The following ZNF564 variants were observed in gnomAD, a reference collection of about 807,000 sequenced individuals.
ZNF564 encodes the protein zinc finger protein 564.
Under a neutral mutation model 10.5 loss-of-function variants are expected in ZNF564, and 5 were observed. That is an observed-to-expected ratio of 0.48 (90% CI 0.25 to 1.00). The LOEUF (loss-of-function observed/expected upper bound fraction) is 1.00. Among genes scored for constraint, ZNF564 ranks in the 50% least tolerant of loss-of-function variants. The pLI is 0.16. For synonymous variants in ZNF564, 242 were observed against 218.1 expected (o/e 1.11, Z -0.97); for missense variants, 603 against 669.7 (o/e 0.90, Z 1.10).
intron 1 of ZNF564, among the ~76,000 whole-genome samples, chr19:12,544,181 G>C (rs1288945162): frequency 6.6e-6 from 1 of 152,108 alleles, no homozygotes; most frequent in African/African-American, 2.4e-5. Flanking sequence ...GAAATAATTA[G>C]GACACTATGG....
intron 1 of ZNF564, among the ~76,000 whole-genome samples, chr19:12,535,448 C>T (rs541432814): frequency 1.3e-5 from 2 of 152,180 alleles, no homozygotes; most frequent in East Asian, 3.9e-4. Flanking sequence ...GTATTACCAA[C>T]TATAAGATAT....
At chr19:12,535,198 C>A (rs1315303756) in intron 1 of ZNF564, among the ~76,000 whole-genome samples, 2 of 151,720 alleles carry the variant, frequency 1.3e-5, no homozygotes, top group East Asian at 1.9e-4. Flanking sequence ...AACGGTGAAA[C>A]CTCATCTCTA....
At position 12,540,354 on chromosome 19, in the gene ZNF564, G is replaced by A. The variant is rs373980665; in HGVS notation, c.3+10976C>T. Among the ~76,000 whole-genome samples the A allele has an allele frequency of 3.2e-4, 48 of 152,268 alleles. 2 individuals carry two copies. The South Asian group carries it at 4.4e-3, about 14-fold the overall frequency. The stretch of plus-strand genomic sequence containing the variant: ...AATATGTTTAGTAAGTTTCCACAAT[G>A]AAAACTCAATACACAAATAAGTCTC... On this transcript the variant is annotated intron_variant, in intron 1 of 3. Coordinates refer to ENST00000339282, the MANE Select transcript of ZNF564 (RefSeq NM_144976.4).
chr19:12,528,375 G>C lies in ZNF564; in HGVS notation c.131-11C>G. 1.9e-6 allele frequency: 3 copies of C among 1,600,472 alleles called. No individual in the cohort carries two copies. The highest frequency in any genetic ancestry group is 2.5e-6 in the Non-Finnish European group (3 of 1,176,568). ...CTTCCCATTTTTTTCCTAAAATATA[G>C]TCAGAAAAAATCCTTATGAACTGAT... On this transcript the variant is annotated splice_polypyrimidine_tract_variant and intron_variant, in intron 2 of 3. Coordinates refer to ENST00000339282, the MANE Select transcript of ZNF564 (RefSeq NM_144976.4).
At position 12,527,300 on chromosome 19, in the gene ZNF564, T is replaced by G. The variant is rs748119290; in HGVS notation, c.808A>C (p.Ile270Leu). 6.2e-7 allele frequency: 1 copy of G among 1,614,002 alleles called. No individual in the cohort carries two copies. The highest frequency in any genetic ancestry group is 8.5e-7 in the Non-Finnish European group (1 of 1,180,004). The change falls in exon 4 of 4, where the codon ATA becomes CTA. Residue 270 changes from isoleucine to leucine, a missense_variant. Coordinates refer to ENST00000339282, the MANE Select transcript of ZNF564 (RefSeq NM_144976.4). ...KAFDRPSLFRIHERTHTGEKP... is the reference protein window; with the variant it reads ...KAFDRPSLFRLHERTHTGEKP... ...TCTCCAGTATGAGTTCTTTCATGTA[T>G]TCGAAATAAACTGGGGCGGTCAAAG...
At chr19:12,533,727 C>CAAAAAAAAAA (rs59631972) in intron 1 of ZNF564, among the ~76,000 whole-genome samples, 22 of 29,168 alleles carry the variant, frequency 7.5e-4, no homozygotes, top group East Asian at 9.0e-4. Flanking sequence ...CTGCTGTCTC[C>CAAAAAAAAAA]AAAAAAAAAA....
chr19:12,529,396 G>T (rs1336286907), intron 1 of ZNF564, among the ~76,000 whole-genome samples: 1 of 151,734 alleles, frequency 6.6e-6, no homozygotes, highest in South Asian at 2.1e-4. Context: ...ACAAGGTCAG[G>T]AGTTTGAGAC....
chr19:12,532,534 CAAAAAAAAAAAAAA>C (rs35579003), intron 1 of ZNF564, among the ~76,000 whole-genome samples: 2 of 39,238 alleles, frequency 5.1e-5, no homozygotes, highest in African/African-American at 1.0e-4. Flanking sequence ...GACTCCGTCT[CAAAAAAAAAAAAAA>C]AAAAAAAAAA....
chr19:12,526,289 T>C lies in ZNF564; in HGVS notation c.*157A>G, dbSNP rs897679738. 4.3e-5 allele frequency: 33 copies of C among 773,016 alleles called. No individual in the cohort carries two copies. In the African/African-American group the frequency reaches 5.4e-4, roughly 13 times the overall value. 47.9% of individuals were successfully genotyped at this position (773,016 alleles called of 1,614,324 possible). A position where few individuals can be genotyped will look rare whatever the true frequency, so the allele number is the denominator to read the frequency against. On this transcript the variant is annotated 3_prime_UTR_variant, in exon 4 of 4. Transcript: ENST00000339282. The stretch of plus-strand genomic sequence containing the variant: ...GGTGAAAACCAAACTAGTCATGTAT[T>C]TCCAAAATATGAGACAGGCACAGGA...
chr19:12,534,510 T>G (rs990728744), intron 1 of ZNF564, among the ~76,000 whole-genome samples: 1 of 152,112 alleles, frequency 6.6e-6, no homozygotes, highest in African/African-American at 2.4e-5. Flanking sequence ...ATGGTCAGTT[T>G]CTTATAAAAC....
At chr19:12,544,325 C>A (rs541771719) in intron 1 of ZNF564, among the ~76,000 whole-genome samples, 1 of 152,210 alleles carries the variant, frequency 6.6e-6, no homozygotes, top group Non-Finnish European at 1.5e-5. Context: ...ACCCCAGCAG[C>A]AGTGATAACC....
chr19:12,534,593 CACCTGAGGTCAGGAGTTCAAGA>C (rs1192171017), intron 1 of ZNF564, among the ~76,000 whole-genome samples: 1 of 152,176 alleles, frequency 6.6e-6, no homozygotes, highest in African/African-American at 2.4e-5. Flanking sequence ...GAGGGTGGAT[CACCTGAGGTCAGGAGTTCAAGA>C]CCCGCCTGGC....
At chr19:12,550,777 T>C (rs553846848) in intron 1 of ZNF564, 3 of 159,726 alleles carry the variant, frequency 1.9e-5, no homozygotes, top group Admixed American at 1.3e-4. Context: ...ATAATGTTGA[T>C]TTGGCGAGGG....
Position 12,526,386 on chromosome 19 carries a change from A to G in ZNF564, c.*60T>C. 1 of 1,502,006 alleles carries G rather than the reference A, an allele frequency of 6.7e-7. No individual in the cohort carries two copies. Among genetic ancestry groups the G allele is most frequent in the Non-Finnish European group, 8.9e-7 (1 of 1,125,794 alleles). 93.0% of individuals were successfully genotyped at this position (1,502,006 alleles called of 1,614,324 possible). A position where few individuals can be genotyped will look rare whatever the true frequency, so the allele number is the denominator to read the frequency against. On this transcript the variant is annotated 3_prime_UTR_variant, in exon 4 of 4. Coordinates refer to ENST00000339282, the MANE Select transcript of ZNF564 (RefSeq NM_144976.4). ...TCCCAAACAAGTCTGAAACCCAGAAAGCAAACTGAAGACTTTCCATATTCT... is the reference window on the plus strand; with the variant it reads ...TCCCAAACAAGTCTGAAACCCAGAAGGCAAACTGAAGACTTTCCATATTCT...
Position 12,526,540 on chromosome 19 carries a change from T to C in ZNF564, c.1568A>G (p.His523Arg). 4.3e-6 allele frequency: 7 copies of C among 1,614,008 alleles called. No individual in the cohort carries two copies. Among genetic ancestry groups the C allele is most frequent in the Non-Finnish European group, 5.9e-6 (7 of 1,179,980 alleles). ...TTTATCTCCATTATGAGCTCTTTCATGTCTTTGAAAGGAACTGGAATAACT... is the reference window on the plus strand; with the variant it reads ...TTTATCTCCATTATGAGCTCTTTCACGTCTTTGAAAGGAACTGGAATAACT... ...TFSYSSSFQR[H>R]ERAHNGDKPY... The change falls in exon 4 of 4, where the codon CAT becomes CGT. Residue 523 changes from histidine to arginine, a missense_variant. By Grantham distance (29) the His-to-Arg change is conservative. Coordinates refer to ENST00000339282, the MANE Select transcript of ZNF564 (RefSeq NM_144976.4).
chr19:12,525,551 T>G lies in ZNF564; in HGVS notation c.*895A>C, dbSNP rs747546305. The G allele has an allele frequency of 2.0e-5, 3 of 152,180 alleles. No homozygotes were observed. Among genetic ancestry groups the G allele is most frequent in the Non-Finnish European group, 2.9e-5 (2 of 68,030 alleles). The allele number at this position is 152,180 out of a possible 1,614,324, so 9.4% of individuals were successfully genotyped here. On this transcript the variant is annotated 3_prime_UTR_variant, in exon 4 of 4. Coordinates refer to ENST00000339282, the MANE Select transcript of ZNF564 (RefSeq NM_144976.4). ...AATGAGATGCTATGTATGTCTTGAGTTTGATTTGTATTTCCCTAATGACTA... is the reference window on the plus strand; with the variant it reads ...AATGAGATGCTATGTATGTCTTGAGGTTGATTTGTATTTCCCTAATGACTA...
At chr19:12,532,246 A>AT (rs35207181) in intron 1 of ZNF564, among the ~76,000 whole-genome samples, 1 of 151,614 alleles carries the variant, frequency 6.6e-6, no homozygotes, top group African/African-American at 2.4e-5. Context: ...AAAAAAAAAA[A>AT]TTTTTTTGGC....
intron 1 of ZNF564, among the ~76,000 whole-genome samples, chr19:12,535,549 A>G (rs1229359126): frequency 6.6e-6 from 1 of 152,206 alleles, no homozygotes; most frequent in African/African-American, 2.4e-5. Flanking sequence ...TGTGTAAACT[A>G]TAGGTGATTT....
intron 1 of ZNF564, among the ~76,000 whole-genome samples, chr19:12,550,827 T>C (rs2022242388): frequency 6.6e-6 from 1 of 151,982 alleles, no homozygotes; most frequent in Non-Finnish European, 1.5e-5. Flanking sequence ...ACCGGAAATT[T>C]AGGCATTTAT....
Sources: allele counts gnomAD v4.1 joint callset (sites outside exome capture counted in the v4.1 genomes callset), GRCh38; gene constraint gnomAD v4.1.1; transcripts MANE v1.5; gene names NCBI Gene and HGNC (gene_info 2026-07-23, HGNC 2026-07-21).